Variants in KLHL8 observed in about 807,000 individuals in gnomAD.
KLHL8 encodes the protein kelch like family member 8, also known as kelch-like protein 8.
Under a neutral mutation model 63.5 loss-of-function variants are expected in KLHL8, and 38 were observed. The observed-to-expected ratio is 0.60, with a 90% confidence interval of 0.46 to 0.78. The LOEUF (loss-of-function observed/expected upper bound fraction) is 0.78, where lower values mean the gene tolerates loss of function less well. Among genes scored for constraint, KLHL8 ranks in the 30% least tolerant of loss-of-function variants. KLHL8 has a pLI of 0.00. For synonymous variants in KLHL8, 224 were observed against 254.3 expected (o/e 0.88, Z 1.13); for missense variants, 566 against 752.4 (o/e 0.75, Z 2.90).
intron 1 of KLHL8, chr4:87,220,123 C>A (rs1211196654): frequency 6.6e-6 from 1 of 152,410 alleles, no homozygotes; most frequent in South Asian, 2.1e-4. Flanking sequence ...AGCTCCCCTA[C>A]GGGAGCCGGG....
chr4:87,175,461 T>C (rs1023152734), intron 6 of KLHL8, among the ~76,000 whole-genome samples: 7 of 152,226 alleles, frequency 4.6e-5, no homozygotes, highest in African/African-American at 1.7e-4. Flanking sequence ...CCATGTTATG[T>C]TGTACTCGTG....
At chr4:87,217,899 A>T (rs1732661427) in intron 1 of KLHL8, among the ~76,000 whole-genome samples, 1 of 152,218 alleles carries the variant, frequency 6.6e-6, no homozygotes, top group Non-Finnish European at 1.5e-5. Context: ...ATTAATGTTT[A>T]AGATGTCTGC....
At chr4:87,168,748 G>A (rs62306545) in intron 8 of KLHL8, among the ~76,000 whole-genome samples, 25,357 of 144,274 alleles carry the variant, frequency 0.18, 2,397 homozygotes, top group South Asian at 0.27. Flanking sequence ...ATATATACGT[G>A]TATATATGTG....
intron 1 of KLHL8, among the ~76,000 whole-genome samples, chr4:87,231,271 C>CCTTT (rs759528335): frequency 2.6e-5 from 4 of 152,136 alleles, no homozygotes; most frequent in Non-Finnish European, 5.9e-5. Flanking sequence ...GACTTTCTTC[C>CCTTT]CTTTCTTTCT....
chr4:87,170,097 C>T lies in KLHL8; in HGVS notation c.1519G>A (p.Gly507Ser), dbSNP rs1344103308. 3 of 1,613,950 alleles carry T rather than the reference C, an allele frequency of 1.9e-6. No individual in the cohort carries two copies. In the South Asian group the frequency reaches 3.3e-5, roughly 18 times the overall value. ...TACTCACCAACTACGTATAAGCAAC[C>T]ATGAAGCTTGCTAACTCCATTGCCT... is the stretch of plus-strand genomic sequence containing the variant. Reference protein sequence around the residue: ...RAGNGVSKLHGCLYVVGGFDD... With the variant: ...RAGNGVSKLHSCLYVVGGFDD... The change falls in exon 8 of 10, where the codon GGT becomes AGT. Residue 507 changes from glycine to serine, a missense_variant. Physicochemically the swap from Gly to Ser is moderately conservative, Grantham distance 56. Coordinates refer to ENST00000273963, the MANE Select transcript of KLHL8 (RefSeq NM_020803.5).
At chr4:87,207,698 A>G (rs1165030956) in intron 1 of KLHL8, 3 of 932,520 alleles carry the variant, frequency 3.2e-6, no homozygotes, top group Non-Finnish European at 5.3e-6. Context: ...GCTCTCCAGA[A>G]CATCATCCCT....
rs138566761 is a variant in KLHL8, at chr4:87,188,043, T to C, written c.217-2244A>G. ...AAGCAGTATCACTTATTTCAGAAAG[T>C]ACAAGACAATCATTTCTGTCTGTTA... On this transcript the variant is annotated intron_variant, in intron 2 of 9. Transcript: ENST00000273963. Among the ~76,000 whole-genome samples the C allele has an allele frequency of 2.7e-3, 406 of 152,316 alleles. 4 individuals carry two copies. The highest frequency in any genetic ancestry group is 9.4e-3 in the African/African-American group (389 of 41,586).
rs1318993696 is a variant in KLHL8 at position 87,163,957 on chromosome 4, C to T, written c.1660G>A (p.Gly554Ser). The stretch of plus-strand genomic sequence containing the variant: ...TGACCACCAACTGCAAAGATTTTGC[C>T]CATCACTGTTGCGATTCCCACTCCA... ...RGGVGIATVM[G>S]KIFAVGGHNG... Residue 554 changes from glycine to serine, a missense_variant, in exon 9 of 10, where the codon GGC becomes AGC. Physicochemically the swap from Gly to Ser is moderately conservative, Grantham distance 56. Transcript: ENST00000273963. The T allele has an allele frequency of 6.2e-7, 1 of 1,614,010 alleles. No individual in the cohort carries two copies. The highest frequency in any genetic ancestry group is 1.3e-5 in the African/African-American group (1 of 74,892).
chr4:87,193,949 TCTTC>T (rs1731593935), intron 2 of KLHL8, among the ~76,000 whole-genome samples: 1 of 152,238 alleles, frequency 6.6e-6, no homozygotes, highest in African/African-American at 2.4e-5. Flanking sequence ...GTAAAGGTGA[TCTTC>T]CTTAAACACA....
intron 2 of KLHL8, among the ~76,000 whole-genome samples, chr4:87,192,998 ATG>A (rs1312105573): frequency 6.6e-6 from 1 of 152,158 alleles, no homozygotes; most frequent in Non-Finnish European, 1.5e-5. Flanking sequence ...TGGTGAGTGA[ATG>A]GGAAAGCCTA....
chr4:87,179,098 C>T (rs1560696045), intron 4 of KLHL8, among the ~76,000 whole-genome samples: 1 of 152,142 alleles, frequency 6.6e-6, no homozygotes. Flanking sequence ...AAAAGTTCAT[C>T]CCTTTGTTTT....
chr4:87,173,464 T>A (rs1000171077), intron 6 of KLHL8, among the ~76,000 whole-genome samples: 2 of 152,176 alleles, frequency 1.3e-5, no homozygotes, highest in African/African-American at 4.8e-5. Context: ...GTCAGGATGA[T>A]GGGTTTCAAC....
At position 87,190,463 on chromosome 4, in the gene KLHL8, G is replaced by C. The variant is rs570398814; in HGVS notation, c.217-4664C>G. On this transcript the variant is annotated intron_variant, in intron 2 of 9. Transcript: ENST00000273963. The stretch of plus-strand genomic sequence containing the variant: ...AGTTCAAGACCAGCCTGGCCAACAT[G>C]GTGAAACCCCATCTCTATAAAAATA... Among the ~76,000 whole-genome samples, 6 of 152,212 alleles carry C rather than the reference G, an allele frequency of 3.9e-5. No homozygotes were observed. The East Asian group carries it at 1.2e-3, about 29-fold the overall frequency.
At chr4:87,204,957 T>C (rs917249214) in intron 1 of KLHL8, among the ~76,000 whole-genome samples, 2 of 152,198 alleles carry the variant, frequency 1.3e-5, no homozygotes, top group Non-Finnish European at 2.9e-5. Context: ...CATGGACTTG[T>C]ACCCCAAAAA....
upstream of KLHL8, among the ~76,000 whole-genome samples, chr4:87,224,250 A>C (rs985298103): frequency 6.6e-6 from 1 of 152,148 alleles, no homozygotes; most frequent in African/African-American, 2.4e-5. Context: ...GCGCCGGCCA[A>C]CATTTGCATT....
intron 6 of KLHL8, among the ~76,000 whole-genome samples, chr4:87,175,688 C>T (rs1005699467): frequency 6.6e-6 from 1 of 152,062 alleles, no homozygotes. Context: ...AAGTATGTTA[C>T]TAAAAATCTT....
intron 6 of KLHL8, 35 bp from the exon 7 acceptor site, chr4:87,170,650 GTT>G (rs1730601914): frequency 1.1e-5 from 17 of 1,565,212 alleles, no homozygotes; most frequent in Non-Finnish European, 1.5e-5. Context: ...TAGCAAATGA[GTT>G]TGTTTCCAGG....
At chr4:87,174,878 C>T (rs1730765728) in intron 6 of KLHL8, among the ~76,000 whole-genome samples, 1 of 152,334 alleles carries the variant, frequency 6.6e-6, no homozygotes. Context: ...TTCATTGCTA[C>T]TATACTGAAT....
chr4:87,178,434 G>A, intron 5 of KLHL8, 43 bp downstream of exon 5: 4 of 1,524,732 alleles, frequency 2.6e-6, no homozygotes, highest in South Asian at 1.3e-5. Context: ...ATTTTAAAAA[G>A]AGCATTGTGA....
Sources: allele counts gnomAD v4.1 joint callset (sites outside exome capture counted in the v4.1 genomes callset), GRCh38; gene constraint gnomAD v4.1.1; transcripts MANE v1.5; gene names NCBI Gene and HGNC (gene_info 2026-07-23, HGNC 2026-07-21).